ZBTB7C: variants seen among roughly 807,000 people sequenced by gnomAD.
ZBTB7C encodes the protein zinc finger and BTB domain containing 7C.
In ZBTB7C, 8 loss-of-function variants were observed where a neutral mutation model predicts 25.7. The observed-to-expected ratio is 0.31, with a 90% confidence interval of 0.18 to 0.56. ZBTB7C has a LOEUF of 0.56. Among genes scored for constraint, ZBTB7C ranks in the 20% least tolerant of loss-of-function variants. The pLI, the probability that ZBTB7C is intolerant of heterozygous loss-of-function variation, is 0.91. For missense variants in ZBTB7C, 824 were observed against 855.2 expected (o/e 0.96, Z 0.46); for synonymous variants, 394 against 369.0 (o/e 1.07, Z -0.78).
chr18:48,102,697 C>T (rs2038875105), intron 3 of ZBTB7C, among the ~76,000 whole-genome samples: 1 of 151,712 alleles, frequency 6.6e-6, no homozygotes, highest in Non-Finnish European at 1.5e-5. Context: ...TTATCAAAAC[C>T]AGGAGATGTG....
intron 1 of ZBTB7C, among the ~76,000 whole-genome samples, chr18:48,367,371 T>TAAAA (rs1555752155): frequency 1.6e-4 from 18 of 113,404 alleles, no homozygotes; most frequent in Admixed American, 3.5e-4. Context: ...TATATATATA[T>TAAAA]AAAATACAAA....
intron 2 of ZBTB7C, among the ~76,000 whole-genome samples, chr18:48,213,089 G>A (rs2042740937): frequency 6.6e-6 from 1 of 151,684 alleles, no homozygotes; most frequent in South Asian, 2.1e-4. Flanking sequence ...GGTTTCAGCG[G>A]GGGCAGTTCT....
At chr18:48,402,442 T>C (rs984425041) in intron 1 of ZBTB7C, among the ~76,000 whole-genome samples, 2 of 152,180 alleles carry the variant, frequency 1.3e-5, no homozygotes, top group Non-Finnish European at 2.9e-5. Context: ...CAACATCATA[T>C]ACACACACTG....
At position 48,029,687 on chromosome 18, in the gene ZBTB7C, C is replaced by T. The variant is rs1486503324; in HGVS notation, c.1433G>A (p.Arg478Gln). ...KRQSCRMARP[R>Q]RGRKPAAWRA... ...CCACGCAGCAGGCTTGCGGCCGCGT[C>T]GGGGCCGTGCCATGCGGCAGCTCTG... Residue 478 changes from arginine to glutamine, a missense_variant, in exon 5 of 5, where the codon CGA (arginine) becomes CAA (glutamine). Arg to Gln is a conservative substitution (Grantham distance 43). This residue lies in a region of ZBTB7C where 342 missense variants were observed against 307.0 expected (regional missense o/e 1.11). Coordinates refer to ENST00000590800, the MANE Select transcript of ZBTB7C (RefSeq NM_001318841.2). 4 of 1,590,356 alleles carry T rather than the reference C, an allele frequency of 2.5e-6. No individual in the cohort carries two copies. The South Asian group carries it at 3.4e-5, about 13-fold the overall frequency.
chr18:48,124,426 T>C (rs984356591), intron 3 of ZBTB7C, among the ~76,000 whole-genome samples: 3 of 152,254 alleles, frequency 2.0e-5, no homozygotes, highest in Non-Finnish European at 4.4e-5. Flanking sequence ...TGGTGTTTTG[T>C]TACTAATTAT....
At chr18:48,048,815 C>T (rs746952300) in intron 3 of ZBTB7C, among the ~76,000 whole-genome samples, 16 of 152,174 alleles carry the variant, frequency 1.1e-4, no homozygotes, top group African/African-American at 1.4e-4. Flanking sequence ...GGCATCTGTT[C>T]GGAGCATCAC....
chr18:48,286,119 C>G (rs1447274830), intron 2 of ZBTB7C, among the ~76,000 whole-genome samples: 4 of 152,182 alleles, frequency 2.6e-5, no homozygotes, highest in African/African-American at 9.7e-5. Context: ...AGTCCCTCTT[C>G]TTTTCAGGCA....
intron 1 of ZBTB7C, among the ~76,000 whole-genome samples, chr18:48,402,264 T>TA (rs34563418): frequency 0.017 from 2,211 of 131,304 alleles, 48 homozygotes; most frequent in African/African-American, 0.048. Flanking sequence ...TATTTTTAGG[T>TA]AAAAAAAAAA....
intron 3 of ZBTB7C, among the ~76,000 whole-genome samples, chr18:48,164,244 TC>T (rs1233684664): frequency 6.6e-6 from 1 of 152,198 alleles, no homozygotes; most frequent in Non-Finnish European, 1.5e-5. Context: ...AAGGGCTTGC[TC>T]CTGGACTCAC....
chr18:48,256,447 A>G (rs975629269), intron 2 of ZBTB7C, among the ~76,000 whole-genome samples: 5 of 150,566 alleles, frequency 3.3e-5, no homozygotes, highest in Admixed American at 1.3e-4. Context: ...GCAAAGGTAA[A>G]ATAAAGACTT....
At chr18:48,185,618 A>T (rs2042035601) in intron 3 of ZBTB7C, among the ~76,000 whole-genome samples, 1 of 149,888 alleles carries the variant, frequency 6.7e-6, no homozygotes, top group African/African-American at 2.4e-5. Flanking sequence ...GGCCCCAAGT[A>T]AAAAAAAAAT....
Position 48,299,793 on chromosome 18 carries a change from G to A in ZBTB7C, c.-79+38381C>T, listed in dbSNP as rs141668973. Among the ~76,000 whole-genome samples the A allele has an allele frequency of 4.6e-5, 7 of 152,350 alleles. No individual in the cohort carries two copies. The East Asian group carries it at 1.3e-3, about 29-fold the overall frequency. On this transcript the variant is annotated intron_variant, in intron 2 of 4. Transcript: ENST00000590800. ...GAGTTCACGGAAGTGAAGTGAAAAT[G>A]GCTCATGAGTAGATGTGACATCTAT...
chr18:48,122,984 G>A (rs2039681313), intron 3 of ZBTB7C, among the ~76,000 whole-genome samples: 1 of 152,112 alleles, frequency 6.6e-6, no homozygotes, highest in Non-Finnish European at 1.5e-5. Context: ...GAGGGGATGC[G>A]GATCTATGGG....
At chr18:48,322,710 AAAGT>A (rs1230355479) in intron 2 of ZBTB7C, among the ~76,000 whole-genome samples, 1 of 152,212 alleles carries the variant, frequency 6.6e-6, no homozygotes, top group African/African-American at 2.4e-5. Context: ...TACCCCGAGG[AAAGT>A]AAGTCATTAC....
chr18:48,378,259 T>C (rs559579495), intron 1 of ZBTB7C, among the ~76,000 whole-genome samples: 2 of 152,284 alleles, frequency 1.3e-5, no homozygotes, highest in East Asian at 3.9e-4. Context: ...AAAGACCAAA[T>C]AGAGGCTTTC....
chr18:48,208,547 C>A (rs1251895828), intron 2 of ZBTB7C, among the ~76,000 whole-genome samples: 1 of 152,186 alleles, frequency 6.6e-6, no homozygotes, highest in East Asian at 1.9e-4. Context: ...TGGAGTCTCA[C>A]CCAGATATGA....
intron 2 of ZBTB7C, among the ~76,000 whole-genome samples, chr18:48,300,785 A>T (rs550010127): frequency 2.9e-4 from 44 of 152,392 alleles, no homozygotes; most frequent in Admixed American, 2.3e-3. Context: ...GCAGACAGGC[A>T]GGGCTGGCCA....
At chr18:48,186,914 G>A (rs1415471601) in intron 2 of ZBTB7C, among the ~76,000 whole-genome samples, 1 of 152,210 alleles carries the variant, frequency 6.6e-6, no homozygotes, top group South Asian at 2.1e-4. Context: ...CTACCTCAGC[G>A]AGGGACAAAT....
At chr18:48,225,157 C>G (rs554289929) in intron 2 of ZBTB7C, among the ~76,000 whole-genome samples, 69 of 152,310 alleles carry the variant, frequency 4.5e-4, no homozygotes, top group African/African-American at 1.7e-3. Context: ...CCATCTACAA[C>G]TGGCTTCCAC....
Sources: gnomAD v4.1 joint callset for allele counts (sites outside exome capture counted in the v4.1 genomes callset) on GRCh38, gnomAD v4.1.1 for gene constraint, gnomAD v4.1.1 regional missense constraint, MANE v1.5 for transcripts, NCBI Gene and HGNC (gene_info 2026-07-23, HGNC 2026-07-21) for gene names.